The following KHDRBS2 variants were observed in gnomAD, a reference collection of about 807,000 sequenced individuals.
The protein encoded by KHDRBS2 is KH RNA binding domain containing, signal transduction associated 2.
KHDRBS2 carries 26 observed loss-of-function variants against 44.3 expected under a neutral mutation model. The ratio of observed to expected loss-of-function variants is 0.59; its 90% CI spans 0.43 to 0.81. The LOEUF is 0.81. Among genes scored for constraint, KHDRBS2 ranks in the 40% least tolerant of loss-of-function variants. KHDRBS2 has a pLI of 0.00. For missense variants in KHDRBS2, 476 were observed against 433.1 expected, an observed-to-expected ratio of 1.10 and a Z score of -0.88; for synonymous variants, 194 against 151.1, an observed-to-expected ratio of 1.28 and a Z score of -2.08.
intron 4 of KHDRBS2, among the ~76,000 whole-genome samples, chr6:61,959,887 C>T (rs1222741955): frequency 6.6e-5 from 10 of 152,124 alleles, no homozygotes; most frequent in Admixed American, 6.6e-5. Context: ...TGCCTCTGTG[C>T]TCCTAAATTC....
intron 6 of KHDRBS2, among the ~76,000 whole-genome samples, chr6:61,802,736 A>G (rs1786479356): frequency 6.6e-6 from 1 of 152,172 alleles, no homozygotes; most frequent in African/African-American, 2.4e-5. Context: ...ATAATTTTAC[A>G]CATTTCTCTG....
intron 7 of KHDRBS2, among the ~76,000 whole-genome samples, chr6:61,709,904 T>G (rs1770211405): frequency 6.6e-6 from 1 of 151,676 alleles, no homozygotes; most frequent in South Asian, 2.1e-4. Flanking sequence ...TAAATATCAG[T>G]ATAATCTCTA....
At chr6:62,268,300 T>C (rs542888213) in intron 1 of KHDRBS2, among the ~76,000 whole-genome samples, 1 of 152,080 alleles carries the variant, frequency 6.6e-6, no homozygotes, top group Non-Finnish European at 1.5e-5. Context: ...TTAAATCTTC[T>C]TTTTGGTTAT....
chr6:62,235,995 A>G (rs1833645500), intron 1 of KHDRBS2, among the ~76,000 whole-genome samples: 1 of 152,140 alleles, frequency 6.6e-6, no homozygotes, highest in Non-Finnish European at 1.5e-5. Flanking sequence ...ATGTCTTTCA[A>G]TAGTCTATTT....
intron 2 of KHDRBS2, among the ~76,000 whole-genome samples, chr6:62,165,941 A>G (rs1818598437): frequency 6.6e-6 from 1 of 151,974 alleles, no homozygotes. Context: ...AAAACTCGGT[A>G]CCCATTAATG....
At chr6:61,770,079 C>G (rs1394991440) in intron 6 of KHDRBS2, among the ~76,000 whole-genome samples, 1 of 152,206 alleles carries the variant, frequency 6.6e-6, no homozygotes. Context: ...CAAACAGGGT[C>G]TGGAGTGGAC....
intron 5 of KHDRBS2, among the ~76,000 whole-genome samples, chr6:61,898,623 C>T (rs1389088058): frequency 6.6e-6 from 1 of 151,768 alleles, no homozygotes; most frequent in African/African-American, 2.4e-5. Context: ...AACATGAATC[C>T]TTAAATTGAT....
At chr6:61,862,438 C>T (rs483203) in intron 6 of KHDRBS2, among the ~76,000 whole-genome samples, 97,853 of 151,568 alleles carry the variant, frequency 0.65, 32,581 homozygotes, top group African/African-American at 0.82. Flanking sequence ...CCATTCAGTA[C>T]GATATCATTG....
chr6:61,885,059 C>T (rs189687531), intron 6 of KHDRBS2, among the ~76,000 whole-genome samples: 123 of 152,094 alleles, frequency 8.1e-4, no homozygotes, highest in African/African-American at 2.7e-3. Flanking sequence ...ATTTTCTAAA[C>T]CTGAAAACAC....
intron 3 of KHDRBS2, among the ~76,000 whole-genome samples, chr6:62,000,664 G>A (rs1273903832): frequency 2.0e-5 from 3 of 152,064 alleles, no homozygotes; most frequent in Non-Finnish European, 4.4e-5. Flanking sequence ...TTCAGCTCTG[G>A]GAAGACTCAC....
At chr6:61,948,789 C>T (rs922708413) in intron 4 of KHDRBS2, among the ~76,000 whole-genome samples, 6 of 151,736 alleles carry the variant, frequency 4.0e-5, no homozygotes, top group East Asian at 1.9e-4. Context: ...TGGAACTATA[C>T]GCACATGCCT....
intron 6 of KHDRBS2, among the ~76,000 whole-genome samples, chr6:61,877,563 G>C (rs1438903270): frequency 1.3e-5 from 2 of 151,622 alleles, no homozygotes; most frequent in Non-Finnish European, 2.9e-5. Context: ...CCCCTGAGGA[G>C]CTGCAGAGGC....
At chr6:61,914,610 T>C (rs886343330) in intron 4 of KHDRBS2, among the ~76,000 whole-genome samples, 1 of 152,044 alleles carries the variant, frequency 6.6e-6, no homozygotes, top group African/African-American at 2.4e-5. Context: ...TATACATATG[T>C]AAGAAACCTG....
intron 4 of KHDRBS2, among the ~76,000 whole-genome samples, chr6:61,959,704 G>A (rs972570983): frequency 1.3e-5 from 2 of 152,066 alleles, no homozygotes; most frequent in Admixed American, 1.3e-4. Flanking sequence ...TGTACTTATG[G>A]GTTAAGTTAT....
chr6:61,565,971 CAACAGATGTATGGGTAAAGAA>C, the KHDRBS2 span, among the ~76,000 whole-genome samples: 1 of 149,714 alleles, frequency 6.7e-6, no homozygotes, highest in Admixed American at 6.7e-5. Context: ...CTGTGTCCAT[CAACAGATGTATGGGTAAAGAA>C]AATGTGGTGT....
chr6:61,653,624 AG>A, the KHDRBS2 span, among the ~76,000 whole-genome samples: 10 of 151,858 alleles, frequency 6.6e-5, no homozygotes, highest in Admixed American at 2.0e-4. Flanking sequence ...AGAGAGAGAG[AG>A]AGAGAGAGAG....
At chr6:61,990,291 G>A (rs1584002569) in intron 3 of KHDRBS2, among the ~76,000 whole-genome samples, 1 of 152,042 alleles carries the variant, frequency 6.6e-6, no homozygotes, top group East Asian at 1.9e-4. Context: ...AGATGATGAA[G>A]GAAACATTAG....
intron 2 of KHDRBS2, among the ~76,000 whole-genome samples, chr6:62,109,625 T>C (rs2127381908): frequency 6.6e-6 from 1 of 152,082 alleles, no homozygotes; most frequent in East Asian, 1.9e-4. Flanking sequence ...GATCATATAG[T>C]GGCAATGAAC....
chr6:61,964,492 C>A (rs1401899829), intron 4 of KHDRBS2, among the ~76,000 whole-genome samples: 1 of 151,964 alleles, frequency 6.6e-6, no homozygotes, highest in South Asian at 2.1e-4. Flanking sequence ...GTCTCCCCAG[C>A]ATATTAGATG....
Sources: allele counts gnomAD v4.1 joint callset (sites outside exome capture counted in the v4.1 genomes callset), GRCh38; gene constraint gnomAD v4.1.1; transcripts MANE v1.5; gene names NCBI Gene and HGNC (gene_info 2026-07-23, HGNC 2026-07-21).